ZMAT4: variants seen among roughly 807,000 people sequenced by gnomAD.
The protein encoded by ZMAT4 is zinc finger matrin-type 4, also known as zinc finger matrin-type protein 4.
A neutral mutation model predicts 28.7 loss-of-function variants in ZMAT4; 17 were observed. That is an observed-to-expected ratio of 0.59 (90% confidence interval 0.41 to 0.89). The LOEUF (loss-of-function observed/expected upper bound fraction) is 0.89, where lower values mean the gene tolerates loss of function less well. Among genes scored for constraint, ZMAT4 ranks in the 40% least tolerant of loss-of-function variants. ZMAT4 has a pLI of 0.00. For synonymous variants in ZMAT4, 117 were observed against 109.2 expected (o/e 1.07, Z -0.44); for missense variants, 240 against 283.8 (o/e 0.85, Z 1.11).
chr8:40,647,357 G>A (rs143872301), intron 5 of ZMAT4, among the ~76,000 whole-genome samples: 1,910 of 152,256 alleles, frequency 0.013, 35 homozygotes, highest in Middle Eastern at 0.041. Context: ...CGAATACTGC[G>A]CTTTTCTGAC....
chr8:40,693,477 G>T (rs1366906074), intron 4 of ZMAT4, among the ~76,000 whole-genome samples: 1 of 152,146 alleles, frequency 6.6e-6, no homozygotes, highest in Non-Finnish European at 1.5e-5. Context: ...CACAGCCTGG[G>T]AAGACTGCTT....
intron 2 of ZMAT4, among the ~76,000 whole-genome samples, chr8:40,815,843 T>C (rs1333849398): frequency 2.6e-5 from 4 of 152,186 alleles, no homozygotes; most frequent in Admixed American, 6.5e-5. Flanking sequence ...CAGCACATTG[T>C]TTGCTTCCAT....
intron 1 of ZMAT4, among the ~76,000 whole-genome samples, chr8:40,836,401 C>T (rs1294338099): frequency 2.6e-5 from 4 of 152,132 alleles, no homozygotes; most frequent in Admixed American, 2.0e-4. Flanking sequence ...AACTGCACTC[C>T]TAATTTCAGG....
At chr8:40,761,253 A>T (rs1199987219) in intron 3 of ZMAT4, among the ~76,000 whole-genome samples, 1 of 152,158 alleles carries the variant, frequency 6.6e-6, no homozygotes, top group Admixed American at 6.5e-5. Context: ...TATGGACTTG[A>T]TTCCTTATTT....
intron 3 of ZMAT4, among the ~76,000 whole-genome samples, chr8:40,715,002 T>C (rs1193041890): frequency 1.5e-5 from 2 of 132,874 alleles, no homozygotes; most frequent in Non-Finnish European, 3.1e-5. Context: ...TGAGCCGAGA[T>C]CGCTCCACTG....
chr8:40,730,645 C>T (rs1050974531), intron 3 of ZMAT4, among the ~76,000 whole-genome samples: 3 of 152,102 alleles, frequency 2.0e-5, no homozygotes, highest in African/African-American at 4.8e-5. Flanking sequence ...GTGGGATTGA[C>T]ATAGCCTGGT....
chr8:40,753,754 C>T (rs979597285), intron 3 of ZMAT4, among the ~76,000 whole-genome samples: 40 of 152,318 alleles, frequency 2.6e-4, no homozygotes, highest in African/African-American at 8.9e-4. Context: ...GTATCACCTA[C>T]AAGGTGTGTA....
intron 2 of ZMAT4, among the ~76,000 whole-genome samples, chr8:40,819,385 T>C (rs1815661912): frequency 6.6e-6 from 1 of 152,168 alleles, no homozygotes; most frequent in Non-Finnish European, 1.5e-5. Flanking sequence ...GCTCAATGTA[T>C]TAATACATCA....
chr8:40,744,877 GA>G (rs1323868363), intron 3 of ZMAT4, among the ~76,000 whole-genome samples: 6 of 152,342 alleles, frequency 3.9e-5, no homozygotes, highest in African/African-American at 1.4e-4. Flanking sequence ...GGTGCTTTGA[GA>G]AATTTAGGCT....
At chr8:40,882,759 G>T (rs1818326206) in intron 1 of ZMAT4, among the ~76,000 whole-genome samples, 1 of 152,194 alleles carries the variant, frequency 6.6e-6, no homozygotes. Context: ...GGGACAGTGG[G>T]ACTTTGAGCA....
At chr8:40,876,704 GTGTGA>G (rs1818053433) in intron 1 of ZMAT4, among the ~76,000 whole-genome samples, 1 of 152,200 alleles carries the variant, frequency 6.6e-6, no homozygotes, top group Admixed American at 6.5e-5. Flanking sequence ...TACAAAATAT[GTGTGA>G]TTTGACTGTT....
intron 2 of ZMAT4, among the ~76,000 whole-genome samples, chr8:40,776,728 A>G (rs927331693): frequency 6.6e-6 from 1 of 152,232 alleles, no homozygotes; most frequent in African/African-American, 2.4e-5. Flanking sequence ...AGACTGGGTA[A>G]TGTGAAGTAA....
Position 40,801,763 on chromosome 8 carries a change from A to T in ZMAT4, c.102+23812T>A, listed in dbSNP as rs561545034. On this transcript the variant is annotated intron_variant, in intron 2 of 6. Transcript: ENST00000297737. ...ATTACTCTAGTACCAAAATCAGAAAACAGTATTATAAGAAAAAGAAAACTA... is the reference window on the plus strand; with the variant it reads ...ATTACTCTAGTACCAAAATCAGAAATCAGTATTATAAGAAAAAGAAAACTA... Among the ~76,000 whole-genome samples the T allele has an allele frequency of 5.4e-4, 83 of 152,312 alleles. 1 individual carries two copies. Among genetic ancestry groups the T allele is most frequent in the Non-Finnish European group, 9.6e-4 (65 of 68,040 alleles).
chr8:40,828,868 T>C (rs1327099573), intron 1 of ZMAT4, among the ~76,000 whole-genome samples: 1 of 152,054 alleles, frequency 6.6e-6, no homozygotes, highest in Non-Finnish European at 1.5e-5. Flanking sequence ...AGGGAGGATG[T>C]CACTTGCTCC....
intron 6 of ZMAT4, among the ~76,000 whole-genome samples, chr8:40,568,960 T>G (rs989804897): frequency 6.6e-6 from 1 of 152,194 alleles, no homozygotes; most frequent in African/African-American, 2.4e-5. Context: ...TCCCCTCAAC[T>G]AGATTATTAA....
intron 3 of ZMAT4, among the ~76,000 whole-genome samples, chr8:40,713,579 A>G (rs1367625016): frequency 6.6e-6 from 1 of 152,172 alleles, no homozygotes; most frequent in Non-Finnish European, 1.5e-5. Context: ...CCACCAGTTA[A>G]GCAAACAACA....
Position 40,567,604 on chromosome 8 carries a change from C to T in ZMAT4, c.674+13561G>A, listed in dbSNP as rs965665186. 2.6e-5 allele frequency among the ~76,000 whole-genome samples: 4 copies of T among 151,382 alleles called. No individual in the cohort carries two copies. The East Asian group carries it at 5.9e-4, about 22-fold the overall frequency. On this transcript the variant is annotated intron_variant, in intron 6 of 6. Coordinates refer to ENST00000297737, the MANE Select transcript of ZMAT4 (RefSeq NM_024645.3). ...AAATTAGCTACTCCAGAGGCTGAGG[C>T]AGGGGAATCACTTGAACCCCCCTGG...
chr8:40,801,351 A>AATATATATATATAT (rs1554559737), intron 2 of ZMAT4, among the ~76,000 whole-genome samples: 3 of 97,256 alleles, frequency 3.1e-5, no homozygotes, highest in African/African-American at 1.1e-4. Flanking sequence ...TAAAAAAAAA[A>AATATATATATATAT]ATATATATAT....
At chr8:40,824,251 T>C (rs1284098534) in intron 2 of ZMAT4, among the ~76,000 whole-genome samples, 2 of 152,202 alleles carry the variant, frequency 1.3e-5, no homozygotes. Context: ...TGGAAACTCA[T>C]GTTCTTAGCA....
Sources: allele counts gnomAD v4.1 joint callset (sites outside exome capture counted in the v4.1 genomes callset), GRCh38; gene constraint gnomAD v4.1.1; transcripts MANE v1.5; gene names NCBI Gene and HGNC (gene_info 2026-07-23, HGNC 2026-07-21).